The following SOX30 variants were observed in gnomAD, a reference collection of about 807,000 sequenced individuals.
The protein encoded by SOX30 is SRY-box transcription factor 30.
A neutral mutation model predicts 58.6 loss-of-function variants in SOX30; 17 were observed. That is an observed-to-expected ratio of 0.29 (90% confidence interval 0.20 to 0.44). The LOEUF is 0.44. Among genes scored for constraint, SOX30 ranks in the 20% least tolerant of loss-of-function variants. The pLI is 1.00. For synonymous variants in SOX30, 421 were observed against 400.2 expected (o/e 1.05, Z -0.62); for missense variants, 951 against 965.8 (o/e 0.98, Z 0.20).
rs868249118 is a variant in SOX30, at chr5:157,626,707, C to G, written c.1895G>C (p.Ser632Thr). Residue 632 changes from serine to threonine, a missense_variant, in exon 5 of 5, where the codon AGT becomes ACT. Transcript: ENST00000265007. ...HYFPSSTCPY[S>T]RPPFGYGNFP... ...ATTTCCATAGCCAAAGGGAGGCCGACTGTAAGGGCATGTACTGCAGCAGAA... is the reference window on the plus strand; with the variant it reads ...ATTTCCATAGCCAAAGGGAGGCCGAGTGTAAGGGCATGTACTGCAGCAGAA... The G allele has an allele frequency of 8.1e-6, 13 of 1,607,670 alleles. No homozygotes were observed. The highest frequency in any genetic ancestry group is 1.0e-5 in the Non-Finnish European group (12 of 1,177,496).
intron 2 of SOX30, among the ~76,000 whole-genome samples, chr5:157,659,908 G>A (rs6865566): frequency 0.089 from 13,598 of 152,224 alleles, 709 homozygotes; most frequent in Middle Eastern, 0.15. Context: ...TTAAGATATG[G>A]GGTTGTGGAT....
rs769310819 is a variant in SOX30, at chr5:157,651,921, G to A, written c.158C>T (p.Ser53Leu). ...LSAAASATLA[S>L]SCGEAVASGL... ...GGACGCCACTGCCTCCCCGCACGAC[G>A]AGGCCAAGGTCGCACTGGCTGCCGC... The change falls in exon 1 of 5, where the codon TCG becomes TTG. Residue 53 changes from serine to leucine, a missense_variant. Ser to Leu is a moderately radical substitution (Grantham distance 145). Around this residue, in one of 7 missense-constraint regions of SOX30, gnomAD observed 363 missense variants for 294.5 expected, o/e 1.23. Transcript: ENST00000265007. 4 of 1,514,280 alleles carry A rather than the reference G, an allele frequency of 2.6e-6. No individual in the cohort carries two copies. Among genetic ancestry groups the A allele is most frequent in the Non-Finnish European group, 2.6e-6 (3 of 1,135,852 alleles). The allele number at this position is 1,514,280 out of a possible 1,614,324, so 93.8% of individuals were successfully genotyped here.
At chr5:157,642,315 C>CAAAAA (rs11317659) in intron 3 of SOX30, among the ~76,000 whole-genome samples, 1 of 116,916 alleles carries the variant, frequency 8.6e-6, no homozygotes. Context: ...GATTCCCTCT[C>CAAAAA]AAAAAAAAAA....
chr5:157,628,365 T>TCACA (rs70984476), intron 4 of SOX30, among the ~76,000 whole-genome samples: 10,368 of 139,530 alleles, frequency 0.074, 424 homozygotes, highest in East Asian at 0.11. Context: ...TTTCTGGCCT[T>TCACA]CACACACACA....
At chr5:157,641,724 A>G (rs187000326) in intron 3 of SOX30, among the ~76,000 whole-genome samples, 2 of 152,356 alleles carry the variant, frequency 1.3e-5, no homozygotes, top group East Asian at 3.9e-4. Context: ...CTTTGACAGC[A>G]GAGACTACAA....
chr5:157,664,286 G>A (rs1759628890), intron 2 of SOX30, among the ~76,000 whole-genome samples: 1 of 152,074 alleles, frequency 6.6e-6, no homozygotes, highest in Non-Finnish European at 1.5e-5. Flanking sequence ...CAGAAATAAT[G>A]CCACACATCT....
intron 1 of SOX30, among the ~76,000 whole-genome samples, chr5:157,650,576 A>G (rs575714753): frequency 1.1e-3 from 168 of 152,312 alleles, no homozygotes; most frequent in African/African-American, 3.8e-3. Flanking sequence ...TCTATAAGTC[A>G]TTACCTTTCA....
At chr5:157,653,702 C>G (rs969061335), upstream of SOX30, among the ~76,000 whole-genome samples, 2 of 152,160 alleles carry the variant, frequency 1.3e-5, no homozygotes. Flanking sequence ...TTTATCTTGA[C>G]GTAGATGATT....
At chr5:157,628,144 C>T (rs1264044185) in intron 4 of SOX30, among the ~76,000 whole-genome samples, 1 of 151,992 alleles carries the variant, frequency 6.6e-6, no homozygotes, top group African/African-American at 2.4e-5. Flanking sequence ...GTGAGACCCC[C>T]ATCTCAAAAA....
Position 157,626,604 on chromosome 5 carries a change from T to C in SOX30, c.1998A>G (p.Leu666=), listed in dbSNP as rs770091992. The C allele has an allele frequency of 6.2e-7, 1 of 1,614,188 alleles. No individual in the cohort carries two copies. Among genetic ancestry groups the C allele is most frequent in the Non-Finnish European group, 8.5e-7 (1 of 1,180,028 alleles). Residue 666 remains leucine, a synonymous_variant, in exon 5 of 5, where the codon TTA becomes TTG. Coordinates refer to ENST00000265007, the MANE Select transcript of SOX30 (RefSeq NM_178424.2). ...YPKHEGIFST[L]NRDYSFRDYS... ...AGTCTCTAAAAGAATAGTCTCTATTTAAAGTTGAAAAGATACCCTCATGTT... is the reference window on the plus strand; with the variant it reads ...AGTCTCTAAAAGAATAGTCTCTATTCAAAGTTGAAAAGATACCCTCATGTT...
At chr5:157,637,721 T>C (rs1281933352) in intron 4 of SOX30, among the ~76,000 whole-genome samples, 3 of 152,126 alleles carry the variant, frequency 2.0e-5, no homozygotes, top group Non-Finnish European at 2.9e-5. Flanking sequence ...CTTTTTTTTT[T>C]TGAGATGGTC....
intron 2 of SOX30, among the ~76,000 whole-genome samples, chr5:157,660,701 T>A (rs1187027282): frequency 6.6e-6 from 1 of 152,070 alleles, no homozygotes; most frequent in Non-Finnish European, 1.5e-5. Flanking sequence ...TTGATTACTC[T>A]AGCTTTATGG....
chr5:157,667,688 G>C, intron 2 of SOX30: 6 of 1,436,756 alleles, frequency 4.2e-6, no homozygotes, highest in Non-Finnish European at 5.5e-6. Context: ...GCAGTGACCT[G>C]ATATCATGCC....
At chr5:157,626,845 A>C (rs1758669663) in intron 4 of SOX30, 124 bp from the exon 5 acceptor site, 3 of 1,029,048 alleles carry the variant, frequency 2.9e-6, no homozygotes, top group African/African-American at 3.2e-5. Context: ...CAAACACTTC[A>C]TGTATTCCTC....
rs755219644 is a variant in SOX30 at position 157,651,134 on chromosome 5, G to A, written c.945C>T (p.Leu315=). Residue 315 remains leucine, a synonymous_variant, in exon 1 of 5, where the codon CTC becomes CTT. Transcript: ENST00000265007. ...TACCTGCATCTGAGGGCAACACGGT[G>A]AGCGGGACATCTTTGGTTTCAATTT... ...SVKIETKDVP[L]TVLPSDAGIP... 2.6e-6 allele frequency: 4 copies of A among 1,556,748 alleles called. No homozygotes were observed. In the East Asian group the frequency reaches 6.8e-5, roughly 26 times the overall value.
Position 157,626,351 on chromosome 5 carries a change from T to C in SOX30, c.2251A>G (p.Arg751Gly). 4 of 1,606,510 alleles carry C rather than the reference T, an allele frequency of 2.5e-6. No individual in the cohort carries two copies. Among genetic ancestry groups the C allele is most frequent in the Non-Finnish European group, 3.4e-6 (4 of 1,176,752 alleles). ...TATTTGTTTTAAAATTATAAATCCC[T>C]GAGCACTTTTTCTTCTTCCTCCTCA... ...SDEEEEEKVL[R>G]DL Residue 751 changes from arginine to glycine, a missense_variant, in exon 5 of 5, where the codon AGG (arginine) becomes GGG (glycine). Physicochemically the swap from Arg to Gly is moderately radical, Grantham distance 125 (BLOSUM62 -2). This residue lies in a region of SOX30 where 381 missense variants were observed against 390.0 expected (regional missense o/e 0.98). Coordinates refer to ENST00000265007, the MANE Select transcript of SOX30 (RefSeq NM_178424.2).
chr5:157,666,707 GT>G (rs1759680407), intron 2 of SOX30, among the ~76,000 whole-genome samples: 2 of 152,018 alleles, frequency 1.3e-5, no homozygotes, highest in Non-Finnish European at 2.9e-5. Flanking sequence ...TATGGATGAG[GT>G]TTTTTGTTTT....
At chr5:157,645,355 C>T (rs866983321) in intron 3 of SOX30, among the ~76,000 whole-genome samples, 75 of 152,004 alleles carry the variant, frequency 4.9e-4, no homozygotes, top group African/African-American at 5.8e-4. Flanking sequence ...AGCAGGTTTA[C>T]GCAGTCTTAG....
rs781327980 is a variant in SOX30, at chr5:157,651,812, C to T, written c.267G>A (p.Glu89=). 1.3e-6 allele frequency: 2 copies of T among 1,585,046 alleles called. No individual in the cohort carries two copies. Among genetic ancestry groups the T allele is most frequent in the Non-Finnish European group, 1.7e-6 (2 of 1,169,620 alleles). ...CCTGCGCGGACGAGGCAGCGGCTTC[C>T]TCGTTCTGGGCCTGAGGCTGTGGTA... ...LLLPQPQAQN[E]EAAASSAQAR... Residue 89 remains glutamate (E), a synonymous_variant, in exon 1 of 5, where the codon GAG becomes GAA. Transcript: ENST00000265007.
Sources: gnomAD v4.1 joint callset for allele counts (sites outside exome capture counted in the v4.1 genomes callset) on GRCh38, gnomAD v4.1.1 for gene constraint, gnomAD v4.1.1 regional missense constraint, MANE v1.5 for transcripts, NCBI Gene and HGNC (gene_info 2026-07-23, HGNC 2026-07-21) for gene names.